Variants in DIS3L2 observed in about 807,000 individuals in gnomAD.
DIS3L2 encodes DIS3-like exonuclease 2.
A neutral mutation model predicts 97.5 loss-of-function variants in DIS3L2; 34 were observed. That is an observed-to-expected ratio of 0.35 (90% CI 0.27 to 0.46). The LOEUF (loss-of-function observed/expected upper bound fraction) is 0.46. Among genes scored for constraint, DIS3L2 ranks in the 20% least tolerant of loss-of-function variants. The pLI, the probability that DIS3L2 is intolerant of heterozygous loss-of-function variation, is 1.00. For synonymous variants in DIS3L2, 435 were observed against 445.2 expected (o/e 0.98, Z 0.29); for missense variants, 1,038 against 1,146.0 (o/e 0.91, Z 1.36).
chr2:232,024,588 T>G (rs1694608082), intron 4 of DIS3L2, among the ~76,000 whole-genome samples: 1 of 152,230 alleles, frequency 6.6e-6, no homozygotes, highest in African/African-American at 2.4e-5. Flanking sequence ...CCAGGCAGAC[T>G]ACCCACCAGT....
intron 9 of DIS3L2, among the ~76,000 whole-genome samples, chr2:232,186,770 G>A (rs535945065): frequency 6.6e-6 from 1 of 152,286 alleles, no homozygotes; most frequent in East Asian, 1.9e-4. Flanking sequence ...TTCAAGACTG[G>A]TTCAACATTC....
intron 12 of DIS3L2, among the ~76,000 whole-genome samples, chr2:232,259,289 G>A (rs1381147957): frequency 1.3e-5 from 2 of 151,968 alleles, no homozygotes; most frequent in Admixed American, 1.3e-4. Context: ...CAAAGTAGAG[G>A]TGCCCATTAA....
At chr2:232,263,796 T>C (rs536260075) in intron 13 of DIS3L2, among the ~76,000 whole-genome samples, 1 of 152,274 alleles carries the variant, frequency 6.6e-6, no homozygotes, top group South Asian at 2.1e-4. Context: ...TACTCAAACC[T>C]GTTCTTTAAT....
At chr2:232,272,079 G>T (rs1203438990) in intron 13 of DIS3L2, among the ~76,000 whole-genome samples, 1 of 152,170 alleles carries the variant, frequency 6.6e-6, no homozygotes, top group Non-Finnish European at 1.5e-5. Context: ...CTGTTGAGTG[G>T]CTCATTATTA....
chr2:232,155,865 C>G (rs1313099206), intron 8 of DIS3L2, among the ~76,000 whole-genome samples: 1 of 151,904 alleles, frequency 6.6e-6, no homozygotes, highest in Non-Finnish European at 1.5e-5. Flanking sequence ...TGGCGGGTGC[C>G]TGTAGTCCCA....
intron 8 of DIS3L2, among the ~76,000 whole-genome samples, chr2:232,144,835 G>A (rs1452216731): frequency 5.3e-5 from 8 of 152,078 alleles, no homozygotes; most frequent in African/African-American, 1.4e-4. Context: ...TTTGTAAAAC[G>A]TTTCTCAGTT....
intron 13 of DIS3L2, among the ~76,000 whole-genome samples, chr2:232,294,327 G>A (rs79262843): frequency 0.02 from 2,975 of 152,278 alleles, 101 homozygotes; most frequent in African/African-American, 0.069. Context: ...ATGAATAGCT[G>A]AGTGAAAGTA....
chr2:232,336,807 G>A lies in DIS3L2; in HGVS notation c.*177G>A, dbSNP rs1695971459. ...AAACAAACTGCAGGGGAGAGGGTGG[G>A]GCTGGAAGGAAGGCTGAGGCCTGGT... On this transcript the variant is annotated 3_prime_UTR_variant, in exon 21 of 21. Coordinates refer to ENST00000325385, the MANE Select transcript of DIS3L2 (RefSeq NM_152383.5). 7.0e-7 allele frequency: 1 copy of A among 1,429,908 alleles called. No homozygotes were observed. Among genetic ancestry groups the A allele is most frequent in the African/African-American group, 1.4e-5 (1 of 69,434 alleles). The allele number at this position is 1,429,908 out of a possible 1,614,324, so 88.6% of individuals were successfully genotyped here.
chr2:232,172,062 T>A (rs976261325), intron 9 of DIS3L2, among the ~76,000 whole-genome samples: 2 of 152,202 alleles, frequency 1.3e-5, no homozygotes, highest in South Asian at 4.1e-4. Context: ...TATTTAAAAA[T>A]TTCATTTTGT....
At chr2:232,087,765 AT>A in intron 6 of DIS3L2, 44 bp downstream of exon 6, 2 of 1,438,838 alleles carry the variant, frequency 1.4e-6, no homozygotes, top group Non-Finnish European at 1.9e-6. Context: ...AAGTACACTG[AT>A]TAAGTATTGG....
chr2:232,121,974 C>T (rs554778680), intron 6 of DIS3L2, among the ~76,000 whole-genome samples: 2 of 152,338 alleles, frequency 1.3e-5, no homozygotes, highest in East Asian at 3.9e-4. Context: ...TAACTGGCCT[C>T]CTGCCTCCAG....
downstream of DIS3L2, chr2:232,337,196 T>C: frequency 1.0e-6 from 1 of 992,290 alleles, no homozygotes; most frequent in Non-Finnish European, 1.2e-6. Flanking sequence ...TATGCAACAC[T>C]GAGAGCGCCC....
intron 10 of DIS3L2, among the ~76,000 whole-genome samples, chr2:232,229,481 C>G (rs1692734970): frequency 6.6e-6 from 1 of 152,224 alleles, no homozygotes; most frequent in Non-Finnish European, 1.5e-5. Flanking sequence ...CCAGGCTTGA[C>G]CGGCTGACCT....
chr2:232,239,747 A>G (rs1693028768), intron 11 of DIS3L2, among the ~76,000 whole-genome samples: 1 of 152,214 alleles, frequency 6.6e-6, no homozygotes, highest in Admixed American at 6.5e-5. Context: ...CAAAGTGCCT[A>G]CTTGATGTTC....
At chr2:232,328,089 T>G (rs1176734892) in intron 14 of DIS3L2, among the ~76,000 whole-genome samples, 1 of 152,124 alleles carries the variant, frequency 6.6e-6, no homozygotes, top group Non-Finnish European at 1.5e-5. Flanking sequence ...CAAGCACAGA[T>G]TAGGGCTGGG....
At position 232,334,700 on chromosome 2, in the gene DIS3L2, C is replaced by T. The variant is rs2106354736; in HGVS notation, c.2359C>T (p.Leu787=). Residue 787 remains leucine (L), a synonymous_variant, in exon 19 of 21, where the codon CTG becomes TTG. Coordinates refer to ENST00000325385, the MANE Select transcript of DIS3L2 (RefSeq NM_152383.5). ...GAAGCAAGCCTTCGACGTGCTGGTG[C>T]TGCGCTACGGCGTGCAGAAGCGCAT... ...ILKQAFDVLV[L]RYGVQKRIYC... 1.9e-6 allele frequency: 3 copies of T among 1,610,226 alleles called. No homozygotes were observed. The highest frequency in any genetic ancestry group is 2.5e-6 in the Non-Finnish European group (3 of 1,178,592).
intron 10 of DIS3L2, among the ~76,000 whole-genome samples, chr2:232,221,966 G>A (rs1217041106): frequency 6.6e-6 from 1 of 150,648 alleles, no homozygotes; most frequent in African/African-American, 2.4e-5. Flanking sequence ...TTTTTGAGAT[G>A]GAGTCTTGCT....
chr2:232,009,916 C>A (rs1305535965), intron 1 of DIS3L2, among the ~76,000 whole-genome samples: 1 of 152,170 alleles, frequency 6.6e-6, no homozygotes, highest in Non-Finnish European at 1.5e-5. Context: ...CCCTTGAAAT[C>A]ACTTTTTGAC....
intron 20 of DIS3L2, chr2:232,336,099 G>C (rs1340561944): frequency 4.5e-6 from 7 of 1,544,062 alleles, no homozygotes; most frequent in Middle Eastern, 3.5e-4. Flanking sequence ...AGAGAGGAGG[G>C]GCTCTGCCTG....
Sources: allele counts gnomAD v4.1 joint callset (sites outside exome capture counted in the v4.1 genomes callset), GRCh38; gene constraint gnomAD v4.1.1; transcripts MANE v1.5; gene names NCBI Gene and HGNC (gene_info 2026-07-23, HGNC 2026-07-21).